AK2: variants seen among roughly 807,000 people sequenced by gnomAD.
AK2 encodes the protein adenylate kinase 2, mitochondrial.
AK2 carries 15 observed loss-of-function variants against 24.6 expected under a neutral mutation model. The ratio of observed to expected loss-of-function variants is 0.61; its 90% CI spans 0.41 to 0.94. The LOEUF is 0.94. Ranked by LOEUF, AK2 falls within the 40% of genes least tolerant of loss-of-function variation. The pLI, the probability that AK2 is intolerant of heterozygous loss-of-function variation, is 0.00. For synonymous variants in AK2, 102 were observed against 114.0 expected, an observed-to-expected ratio of 0.90 and a Z score of 0.67; for missense variants, 257 against 304.1, an observed-to-expected ratio of 0.85 and a Z score of 1.15.
At chr1:33,030,099 T>C (rs1640144691) in intron 1 of AK2, among the ~76,000 whole-genome samples, 1 of 152,252 alleles carries the variant, frequency 6.6e-6, no homozygotes, top group Non-Finnish European at 1.5e-5. Context: ...GCCCTGTGTT[T>C]ACGTCCTGCA....
rs1464034614 is a variant in AK2 at position 33,009,506 on chromosome 1, C to G, written c.*3675G>C. The G allele has an allele frequency of 2.2e-6, 1 of 454,030 alleles. No homozygotes were observed. Among genetic ancestry groups the G allele is most frequent in the Non-Finnish European group, 4.4e-6 (1 of 226,806 alleles). 28.1% of individuals were successfully genotyped at this position (454,030 alleles called of 1,614,324 possible). On this transcript the variant is annotated 3_prime_UTR_variant, in exon 6 of 6. Transcript: ENST00000672715. ...TCTTTCTGTGTATATCTGGATCCAACTAACATTTATCCAATGTCTGTTGCA... is the reference window on the plus strand; with the variant it reads ...TCTTTCTGTGTATATCTGGATCCAAGTAACATTTATCCAATGTCTGTTGCA...
In AK2 at chr1:33,009,806, C is replaced by T. The variant is rs1223951015; in HGVS notation, c.*3375G>A. 1 of 454,452 alleles carries T rather than the reference C, an allele frequency of 2.2e-6. No homozygotes were observed. The highest frequency in any genetic ancestry group is 1.6e-5 in the South Asian group (1 of 64,480). The allele number at this position is 454,452 out of a possible 1,614,324, so 28.2% of individuals were successfully genotyped here. A position where few individuals can be genotyped will look rare whatever the true frequency, so the allele number is the denominator to read the frequency against. The stretch of plus-strand genomic sequence containing the variant: ...TCTCATATGCACATACTTGGACCTC[C>T]CTACCACACAGCTGCCAGCGACAAG... On this transcript the variant is annotated 3_prime_UTR_variant, in exon 6 of 6. Coordinates refer to ENST00000672715, the MANE Select transcript of AK2 (RefSeq NM_001625.4).
intron 4 of AK2, 149 bp from the exon 5 acceptor site, chr1:33,014,743 T>C (rs1023431653): frequency 2.8e-6 from 2 of 702,438 alleles, no homozygotes; most frequent in Admixed American, 2.0e-5. Flanking sequence ...ATAACTGGGC[T>C]TCCAGGAGAG....
intron 1 of AK2, chr1:33,032,502 A>C (rs892653209): frequency 3.9e-5 from 6 of 152,236 alleles, no homozygotes; most frequent in Non-Finnish European, 8.8e-5. Flanking sequence ...CGGGGTAACG[A>C]AACAGTAGAT....
intron 5 of AK2, chr1:33,014,317 C>T (rs1639036546): frequency 2.1e-6 from 1 of 484,486 alleles, no homozygotes. Flanking sequence ...TGGAAGCAAC[C>T]TTGAGGCCAA....
intron 4 of AK2, among the ~76,000 whole-genome samples, chr1:33,016,657 C>T (rs143242777): frequency 3.5e-4 from 53 of 152,134 alleles, no homozygotes; most frequent in Admixed American, 7.9e-4. Context: ...TACAAGCATG[C>T]GCCACCATGC....
At chr1:33,013,465 C>G in intron 5 of AK2, 63 bp from the exon 6 acceptor site, 1 of 1,562,580 alleles carries the variant, frequency 6.4e-7, no homozygotes, top group Non-Finnish European at 8.7e-7. Context: ...TATTCCATGC[C>G]AGATGCAGAT....
At chr1:33,014,746 C>T (rs1006616252) in intron 4 of AK2, 152 bp from the exon 5 acceptor site, 1 of 697,296 alleles carries the variant, frequency 1.4e-6, no homozygotes, top group Admixed American at 2.0e-5. Flanking sequence ...ACTGGGCTTC[C>T]AGGAGAGCTT....
rs1357344806 is a variant in AK2, at chr1:33,024,351, A to C, written c.219+91T>G. 3 of 1,544,198 alleles carry C rather than the reference A, an allele frequency of 1.9e-6. No homozygotes were observed. In the African/African-American group the frequency reaches 4.1e-5, roughly 21 times the overall value. On this transcript the variant is annotated intron_variant, in intron 2 of 5. Transcript: ENST00000672715. Reference sequence around the variant, plus strand: ...TTTTTACATTAATTAAATTAATCTAAATAGCCACCTGTGGCTGGTGGCTAC... The same window carrying C: ...TTTTTACATTAATTAAATTAATCTACATAGCCACCTGTGGCTGGTGGCTAC...
intron 2 of AK2, among the ~76,000 whole-genome samples, chr1:33,022,746 G>A (rs1381323662): frequency 2.0e-5 from 3 of 152,162 alleles, no homozygotes; most frequent in Non-Finnish European, 4.4e-5. Context: ...GGCTGTTATA[G>A]AAAGAAAAGT....
rs757578036 is a variant in AK2 at position 33,013,268 on chromosome 1, A to G, written c.633T>C (p.Asp211=). ...YRKRGIHSAI[D]ASQTPDVVFA... Reference sequence around the variant, plus strand: ...ACACGACATCGGGGGTCTGGGATGCATCGATGGCGGAGTGGATCCCCCGTT... The same window carrying G: ...ACACGACATCGGGGGTCTGGGATGCGTCGATGGCGGAGTGGATCCCCCGTT... Residue 211 remains aspartate (D), a synonymous_variant, in exon 6 of 6, where the codon GAT becomes GAC. Transcript: ENST00000672715. The G allele has an allele frequency of 1.2e-6, 2 of 1,614,178 alleles. No homozygotes were observed. Among genetic ancestry groups the G allele is most frequent in the South Asian group, 2.2e-5 (2 of 91,086 alleles).
At chr1:33,025,959 A>G (rs1358248653) in intron 1 of AK2, among the ~76,000 whole-genome samples, 2 of 152,224 alleles carry the variant, frequency 1.3e-5, no homozygotes, top group African/African-American at 4.8e-5. Flanking sequence ...GGCATAGACT[A>G]TGTACTTAAA....
Position 33,008,391 on chromosome 1 carries a change from T to G in AK2, c.*4790A>C, listed in dbSNP as rs1381814551. The G allele has an allele frequency of 4.4e-6, 2 of 454,022 alleles. No homozygotes were observed. Among genetic ancestry groups the G allele is most frequent in the African/African-American group, 4.0e-5 (2 of 50,018 alleles). 28.1% of individuals were successfully genotyped at this position (454,022 alleles called of 1,614,324 possible). A position where few individuals can be genotyped will look rare whatever the true frequency, so the allele number is the denominator to read the frequency against. ...CTTCTGAGGAGGCTGCTCTCCATCC[T>G]GCTGTGTTCTGTCAGTGACACTTTG... On this transcript the variant is annotated 3_prime_UTR_variant, in exon 6 of 6. Coordinates refer to ENST00000672715, the MANE Select transcript of AK2 (RefSeq NM_001625.4).
intron 1 of AK2, among the ~76,000 whole-genome samples, chr1:33,024,815 G>A (rs1432894583): frequency 6.6e-6 from 1 of 152,162 alleles, no homozygotes; most frequent in Non-Finnish European, 1.5e-5. Context: ...TAGCACACAG[G>A]AAGGAGTCAT....
chr1:33,015,504 A>C (rs1161241253), intron 4 of AK2, among the ~76,000 whole-genome samples: 1 of 152,182 alleles, frequency 6.6e-6, no homozygotes, highest in Non-Finnish European at 1.5e-5. Flanking sequence ...TCTGCCAACC[A>C]AGTGTTTGTT....
chr1:33,030,038 C>T (rs1054253869), intron 1 of AK2, among the ~76,000 whole-genome samples: 10 of 152,220 alleles, frequency 6.6e-5, no homozygotes, highest in Non-Finnish European at 1.5e-4. Flanking sequence ...AGCTGCCCTC[C>T]ACAATCAACT....
chr1:33,012,594 G>A lies in AK2; in HGVS notation c.*587C>T, dbSNP rs149102256. On this transcript the variant is annotated 3_prime_UTR_variant, in exon 6 of 6. Coordinates refer to ENST00000672715, the MANE Select transcript of AK2 (RefSeq NM_001625.4). ...GGTCAAAAAATAAAATCAAAAGTAT[G>A]GTTAAAGAAGTAAACAGCTGGGCTG... 7.7e-7 allele frequency: 1 copy of A among 1,292,492 alleles called. No homozygotes were observed. 80.1% of individuals were successfully genotyped at this position (1,292,492 alleles called of 1,614,324 possible).
At chr1:33,028,476 G>A (rs952596801) in intron 1 of AK2, among the ~76,000 whole-genome samples, 4 of 151,378 alleles carry the variant, frequency 2.6e-5, no homozygotes, top group Non-Finnish European at 5.9e-5. Flanking sequence ...ACTCCAGCCT[G>A]GGCAACAAGA....
In AK2 at chr1:33,010,611, A is replaced by T. The variant is rs1638757247; in HGVS notation, c.*2570T>A. The T allele has an allele frequency of 3.8e-6, 5 of 1,311,890 alleles. No individual in the cohort carries two copies. Among genetic ancestry groups the T allele is most frequent in the Admixed American group, 2.0e-5 (1 of 50,508 alleles). 81.3% of individuals were successfully genotyped at this position (1,311,890 alleles called of 1,614,324 possible). On this transcript the variant is annotated 3_prime_UTR_variant, in exon 6 of 6. Transcript: ENST00000672715. Reference sequence around the variant, plus strand: ...CAAGCATGGTGTTTTTTAAAAAATTAATTTTTCCCTTACACTTTAAAAACT... The same window carrying T: ...CAAGCATGGTGTTTTTTAAAAAATTTATTTTTCCCTTACACTTTAAAAACT...
Sources: allele counts gnomAD v4.1 joint callset (sites outside exome capture counted in the v4.1 genomes callset), GRCh38; gene constraint gnomAD v4.1.1; transcripts MANE v1.5; gene names NCBI Gene and HGNC (gene_info 2026-07-23, HGNC 2026-07-21).